Variants in PPP2R2B observed in about 807,000 individuals in gnomAD.
PPP2R2B encodes serine/threonine-protein phosphatase 2A 55 kDa regulatory subunit B beta isoform.
Under a neutral mutation model 46.0 loss-of-function variants are expected in PPP2R2B, and 5 were observed. The observed-to-expected ratio is 0.11, with a 90% CI of 0.06 to 0.23. The LOEUF (loss-of-function observed/expected upper bound fraction) is 0.23. Ranked by LOEUF, PPP2R2B falls within the 10% of genes least tolerant of loss-of-function variation. The pLI, the probability that PPP2R2B is intolerant of heterozygous loss-of-function variation, is 1.00. For missense variants in PPP2R2B, 367 were observed against 575.0 expected (o/e 0.64, Z 3.70); for synonymous variants, 215 against 206.7 (o/e 1.04, Z -0.34).
chr5:146,594,471 T>C (rs1048322984), intron 8 of PPP2R2B, among the ~76,000 whole-genome samples: 1 of 152,224 alleles, frequency 6.6e-6, no homozygotes, highest in African/African-American at 2.4e-5. Context: ...TAATCCTTCC[T>C]GAACCCACTA....
At chr5:146,953,862 A>T (rs1582489059) in intron 1 of PPP2R2B, among the ~76,000 whole-genome samples, 1 of 152,204 alleles carries the variant, frequency 6.6e-6, no homozygotes, top group Non-Finnish European at 1.5e-5. Context: ...ACAAATGTGG[A>T]TATTTTAATA....
intron 1 of PPP2R2B, among the ~76,000 whole-genome samples, chr5:147,026,587 A>G (rs1304164552): frequency 6.6e-6 from 1 of 152,132 alleles, no homozygotes; most frequent in Non-Finnish European, 1.5e-5. Flanking sequence ...ATTATGTACA[A>G]TTTACTGTAG....
intron 1 of PPP2R2B, among the ~76,000 whole-genome samples, chr5:146,976,690 A>G (rs879361888): frequency 2.0e-4 from 31 of 152,298 alleles, no homozygotes; most frequent in Non-Finnish European, 4.0e-4. Context: ...CTATTTGTCT[A>G]TTCTGTTGCC....
chr5:146,658,867 C>A (rs988599790), intron 5 of PPP2R2B, among the ~76,000 whole-genome samples: 1 of 152,122 alleles, frequency 6.6e-6, no homozygotes, highest in African/African-American at 2.4e-5. Context: ...TAAAATGTTA[C>A]TTTTTATATT....
At chr5:146,690,311 A>T (rs866968108) in intron 5 of PPP2R2B, among the ~76,000 whole-genome samples, 9 of 152,218 alleles carry the variant, frequency 5.9e-5, no homozygotes, top group Middle Eastern at 3.2e-3. Flanking sequence ...CCCTTAAAAG[A>T]TCGCTTTGAG....
chr5:146,582,103 A>G lies in PPP2R2B; in HGVS notation c.*7844T>C, dbSNP rs1370249417. The G allele has an allele frequency of 6.6e-6, 1 of 152,200 alleles. No individual in the cohort carries two copies. Among genetic ancestry groups the G allele is most frequent in the Non-Finnish European group, 1.5e-5 (1 of 68,050 alleles). 9.4% of individuals were successfully genotyped at this position (152,200 alleles called of 1,614,324 possible). ...GACACCCAGGCAAATGAAAATGCCA[A>G]TCTTCTCCCATCCCTGTCTTGCTGT... is the stretch of plus-strand genomic sequence containing the variant. On this transcript the variant is annotated 3_prime_UTR_variant, in exon 10 of 10. Transcript: ENST00000394411.
intron 5 of PPP2R2B, among the ~76,000 whole-genome samples, chr5:146,682,100 C>T (rs921952874): frequency 8.5e-5 from 13 of 152,208 alleles, no homozygotes; most frequent in African/African-American, 3.1e-4. Context: ...TAGGGTTCTG[C>T]TTATATTTAC....
intron 7 of PPP2R2B, among the ~76,000 whole-genome samples, chr5:146,622,935 C>A (rs1765387423): frequency 6.6e-6 from 1 of 152,170 alleles, no homozygotes; most frequent in Non-Finnish European, 1.5e-5. Context: ...TGAGACAATT[C>A]TGAGTTTTAG....
chr5:146,720,225 G>A (rs572714366), intron 2 of PPP2R2B, among the ~76,000 whole-genome samples: 1 of 152,314 alleles, frequency 6.6e-6, no homozygotes, highest in East Asian at 1.9e-4. Context: ...CACTGCAAGT[G>A]CAAGTATGGA....
intron 2 of PPP2R2B, among the ~76,000 whole-genome samples, chr5:146,815,036 G>A (rs189046977): frequency 7.2e-5 from 11 of 152,260 alleles, no homozygotes; most frequent in East Asian, 1.9e-4. Flanking sequence ...ACTCAGATAC[G>A]TTCCGCTGCT....
At position 146,589,865 on chromosome 5, in the gene PPP2R2B, CA is replaced by C. The variant is rs1195837571; in HGVS notation, c.*81del. ...TATAGGGAAATTAAAGTCAATGCAT[CA>C]AATGAAGACCCAAAGAAACATTTAA... is the stretch of plus-strand genomic sequence containing the variant. On this transcript the variant is annotated 3_prime_UTR_variant, in exon 10 of 10. Coordinates refer to ENST00000394411, the MANE Select transcript of PPP2R2B (RefSeq NM_181675.4). 16 of 1,366,456 alleles carry C rather than the reference CA, an allele frequency of 1.2e-5. No homozygotes were observed. The highest frequency in any genetic ancestry group is 1.6e-5 in the Non-Finnish European group (16 of 986,810). The allele number at this position is 1,366,456 out of a possible 1,614,324, so 84.6% of individuals were successfully genotyped here.
chr5:146,993,301 G>A (rs528367953), intron 1 of PPP2R2B, among the ~76,000 whole-genome samples: 1 of 151,896 alleles, frequency 6.6e-6, no homozygotes, highest in East Asian at 1.9e-4. Flanking sequence ...AGAGTGCAGT[G>A]ACACCATGTT....
At chr5:146,667,835 A>C (rs929254066) in intron 5 of PPP2R2B, among the ~76,000 whole-genome samples, 1 of 152,128 alleles carries the variant, frequency 6.6e-6, no homozygotes, top group Non-Finnish European at 1.5e-5. Context: ...TATGGCCTCC[A>C]ATGAGTCACT....
At chr5:146,839,698 GGA>G (rs1430522145) in intron 2 of PPP2R2B, among the ~76,000 whole-genome samples, 2 of 152,152 alleles carry the variant, frequency 1.3e-5, no homozygotes, top group Non-Finnish European at 2.9e-5. Flanking sequence ...TCAGCAACTT[GGA>G]GAGTCAGCTT....
intron 1 of PPP2R2B, among the ~76,000 whole-genome samples, chr5:146,975,913 C>T (rs1582530575): frequency 2.0e-5 from 3 of 151,878 alleles, no homozygotes; most frequent in Middle Eastern, 3.4e-3. Context: ...AATATTTTCT[C>T]CCATTCTATA....
chr5:146,724,791 T>G (rs1751747189), intron 2 of PPP2R2B, among the ~76,000 whole-genome samples: 1 of 152,144 alleles, frequency 6.6e-6, no homozygotes, highest in Non-Finnish European at 1.5e-5. Context: ...CAAGTCTATC[T>G]GGGAGTTACA....
Position 146,925,032 on chromosome 5 carries a change from G to C in PPP2R2B, c.79+130633C>G, listed in dbSNP as rs534903987. The stretch of plus-strand genomic sequence containing the variant: ...AATTTAACTCCAGAAAATACAAGAA[G>C]TTTGCTCCAATATACTGCCATTCCC... On this transcript the variant is annotated intron_variant, in intron 1 of 8. Transcript: ENST00000336640. Among the ~76,000 whole-genome samples the C allele has an allele frequency of 9.2e-5, 14 of 152,166 alleles. No individual in the cohort carries two copies. The South Asian group carries it at 2.9e-3, about 32-fold the overall frequency.
intron 2 of PPP2R2B, chr5:146,707,700 A>G: frequency 2.0e-6 from 1 of 512,780 alleles, no homozygotes; most frequent in South Asian, 2.6e-5. Flanking sequence ...TAACAGGTAA[A>G]GCAATATGTA....
intron 3 of PPP2R2B, among the ~76,000 whole-genome samples, chr5:146,699,738 G>A (rs985218559): frequency 7.1e-6 from 1 of 141,064 alleles, no homozygotes; most frequent in African/African-American, 2.7e-5. Context: ...GACTTTAAAT[G>A]CTGACATACT....
Sources: allele counts gnomAD v4.1 joint callset (sites outside exome capture counted in the v4.1 genomes callset), GRCh38; gene constraint gnomAD v4.1.1; transcripts MANE v1.5; gene names NCBI Gene and HGNC (gene_info 2026-07-23, HGNC 2026-07-21).